The following BRD7 variants were observed in gnomAD, a reference collection of about 807,000 sequenced individuals.
BRD7 encodes the protein bromodomain-containing protein 7.
BRD7 carries 15 observed loss-of-function variants against 82.1 expected under a neutral mutation model. The ratio of observed to expected loss-of-function variants is 0.18; its 90% confidence interval spans 0.12 to 0.28. The LOEUF (loss-of-function observed/expected upper bound fraction) is 0.28, where lower values mean the gene tolerates loss of function less well. BRD7 is among the 10% of genes least tolerant of loss of function. The probability of loss-of-function intolerance (pLI) is 1.00; values close to 1 mark genes in which losing one functional copy is unlikely to be tolerated. For missense variants in BRD7, 638 were observed against 779.9 expected, an observed-to-expected ratio of 0.82 and a Z score of 2.17; for synonymous variants, 232 against 266.9, an observed-to-expected ratio of 0.87 and a Z score of 1.27.
At position 50,368,800 on chromosome 16, in the gene BRD7, C is replaced by A; in HGVS notation, c.-26G>T. On this transcript the variant is annotated 5_prime_UTR_variant, in exon 1 of 17. Coordinates refer to ENST00000394688, the MANE Select transcript of BRD7 (RefSeq NM_013263.5). ...GTCCGACCGGGCCCCGGTGCCCGCC[C>A]CCCGCGCCAGGCCCAGGCCGTGCGG... The A allele has an allele frequency of 1.3e-6, 2 of 1,516,304 alleles. No individual in the cohort carries two copies. Among genetic ancestry groups the A allele is most frequent in the African/African-American group, 1.5e-5 (1 of 68,860 alleles). The allele number at this position is 1,516,304 out of a possible 1,614,324, so 93.9% of individuals were successfully genotyped here.
chr16:50,362,988 A>T (rs1322296114), intron 2 of BRD7, among the ~76,000 whole-genome samples: 4 of 152,226 alleles, frequency 2.6e-5, no homozygotes, highest in Non-Finnish European at 5.9e-5. Flanking sequence ...TAGGGAGTAT[A>T]GTAGGATGAT....
At chr16:50,351,766 G>T (rs1243735563) in intron 4 of BRD7, among the ~76,000 whole-genome samples, 1 of 152,004 alleles carries the variant, frequency 6.6e-6, no homozygotes, top group African/African-American at 2.4e-5. Flanking sequence ...TATTTAGAGG[G>T]TACAGTGTGA....
At position 50,319,262 on chromosome 16, in the gene BRD7, A is replaced by G; in HGVS notation, c.1905T>C (p.Thr635=). The G allele has an allele frequency of 6.2e-7, 1 of 1,612,878 alleles. No individual in the cohort carries two copies. Among genetic ancestry groups the G allele is most frequent in the Non-Finnish European group, 8.5e-7 (1 of 1,179,704 alleles). The change falls in exon 17 of 17, where the codon ACT becomes ACC. Residue 635 remains threonine (T), a synonymous_variant. Coordinates refer to ENST00000394688, the MANE Select transcript of BRD7 (RefSeq NM_013263.5). The part of the protein sequence containing the change: ...ENNFVDLTED[T]EEPKKTDVAE... ...CAACATCCGTCTTTTTAGGTTCTTC[A>G]GTGTCTGAAAGAAAAAGACATCACT...
intron 4 of BRD7, among the ~76,000 whole-genome samples, chr16:50,352,658 G>A (rs572192800): frequency 6.7e-6 from 1 of 148,836 alleles, no homozygotes; most frequent in East Asian, 2.0e-4. Flanking sequence ...TCCACCAACA[G>A]TATATACAAT....
At chr16:50,366,961 A>C (rs1325315116) in intron 2 of BRD7, among the ~76,000 whole-genome samples, 1 of 152,218 alleles carries the variant, frequency 6.6e-6, no homozygotes, top group Non-Finnish European at 1.5e-5. Context: ...TAAGGAAGAA[A>C]ACAAAACATT....
intron 2 of BRD7, among the ~76,000 whole-genome samples, chr16:50,365,840 T>C (rs2039122099): frequency 6.6e-6 from 1 of 151,028 alleles, no homozygotes; most frequent in Admixed American, 6.6e-5. Context: ...AGGAGTCTAA[T>C]ATCTAAAGGG....
rs565554152 is a variant in BRD7 at position 50,355,065 on chromosome 16, T to C, written c.259-143A>G. On this transcript the variant is annotated intron_variant, in intron 2 of 16. Transcript: ENST00000394688. ...CTCAATGTACTTTACTGCCATCTACTGGAAAAGGAGAGAATAATACGTTCA... is the reference window on the plus strand; with the variant it reads ...CTCAATGTACTTTACTGCCATCTACCGGAAAAGGAGAGAATAATACGTTCA... The C allele has an allele frequency of 6.6e-5, 66 of 1,003,804 alleles. No individual in the cohort carries two copies. In the Admixed American group the frequency reaches 1.9e-3, roughly 29 times the overall value. 62.2% of individuals were successfully genotyped at this position (1,003,804 alleles called of 1,614,324 possible).
Position 50,354,427 on chromosome 16 carries a change from C to T in BRD7, c.444G>A (p.Gln148=), listed in dbSNP as rs764972051. 3 of 1,610,398 alleles carry T rather than the reference C, an allele frequency of 1.9e-6. No homozygotes were observed. Among genetic ancestry groups the T allele is most frequent in the African/African-American group, 2.7e-5 (2 of 74,830 alleles). ...AAAAATATTGGAAAAACATTTACCT[C>T]TGCAATTGTCTCATCAGTTGATTCA... is the stretch of plus-strand genomic sequence containing the variant. ...EALNQLMRQL[Q]RKDPSAFFSF... is the part of the protein sequence containing the mutation. The change falls in exon 4 of 17, where the codon CAG becomes CAA. Residue 148 remains glutamine (Q), a splice_region_variant and synonymous_variant. Transcript: ENST00000394688.
chr16:50,366,122 A>T (rs2039133970), intron 2 of BRD7, among the ~76,000 whole-genome samples: 1 of 152,254 alleles, frequency 6.6e-6, no homozygotes, highest in South Asian at 2.1e-4. Context: ...GAAAGAAAAT[A>T]ATTTTCAATC....
intron 5 of BRD7, 28 bp downstream of exon 5, chr16:50,349,995 T>C: frequency 2.0e-6 from 3 of 1,495,324 alleles, no homozygotes; most frequent in Non-Finnish European, 2.7e-6. Context: ...TCTACCAAGA[T>C]TTTGTGTATA....
intron 12 of BRD7, 145 bp from the exon 13 acceptor site, chr16:50,322,183 C>T (rs556115853): frequency 1.6e-6 from 1 of 634,694 alleles, no homozygotes; most frequent in Non-Finnish European, 2.7e-6. Context: ...GCCAAAATGA[C>T]TAAATATAAT....
At chr16:50,367,985 T>C (rs1237824431) in intron 2 of BRD7, 105 bp downstream of exon 2, 4 of 1,164,520 alleles carry the variant, frequency 3.4e-6, no homozygotes, top group Non-Finnish European at 5.0e-6. Flanking sequence ...ACGAGCCAGA[T>C]CTTAGAGGCG....
intron 6 of BRD7, among the ~76,000 whole-genome samples, chr16:50,337,124 T>C (rs2037835326): frequency 6.6e-6 from 1 of 152,214 alleles, no homozygotes; most frequent in Non-Finnish European, 1.5e-5. Flanking sequence ...ACTTGAACCT[T>C]GATTGGTCTG....
chr16:50,349,946 G>T, intron 5 of BRD7, 77 bp downstream of exon 5: 1 of 1,272,694 alleles, frequency 7.9e-7, no homozygotes, highest in Non-Finnish European at 1.1e-6. Context: ...CAAAATAAAA[G>T]GTCAATGAGA....
At chr16:50,364,540 G>T (rs1320225691) in intron 2 of BRD7, among the ~76,000 whole-genome samples, 1 of 152,156 alleles carries the variant, frequency 6.6e-6, no homozygotes, top group Admixed American at 6.5e-5. Context: ...CCTATTCTGA[G>T]AGGTGTGTCC....
intron 2 of BRD7, among the ~76,000 whole-genome samples, chr16:50,367,231 A>G (rs977292458): frequency 6.6e-6 from 1 of 152,174 alleles, no homozygotes; most frequent in Non-Finnish European, 1.5e-5. Context: ...TAACAATGTT[A>G]TTATTATTAG....
At chr16:50,340,109 GA>G in intron 5 of BRD7, 23 bp from the exon 6 acceptor site, 1 of 1,371,820 alleles carries the variant, frequency 7.3e-7, no homozygotes, top group Non-Finnish European at 1.0e-6. Context: ...CATTAAGGGA[GA>G]AAATGCATTA....
At chr16:50,328,176 C>G (rs917578901) in intron 9 of BRD7, among the ~76,000 whole-genome samples, 4 of 152,146 alleles carry the variant, frequency 2.6e-5, no homozygotes, top group Non-Finnish European at 5.9e-5. Context: ...GACTGAGGTT[C>G]TAAAGATTCC....
intron 6 of BRD7, among the ~76,000 whole-genome samples, chr16:50,339,366 A>G (rs1398705337): frequency 6.6e-6 from 1 of 152,258 alleles, no homozygotes; most frequent in East Asian, 1.9e-4. Flanking sequence ...CCTATCAGAC[A>G]CCTGGCTAAA....
Sources: gnomAD v4.1 joint callset for allele counts (sites outside exome capture counted in the v4.1 genomes callset) on GRCh38, gnomAD v4.1.1 for gene constraint, MANE v1.5 for transcripts, NCBI Gene and HGNC (gene_info 2026-07-23, HGNC 2026-07-21) for gene names.